N4BP1: variants seen among roughly 807,000 people sequenced by gnomAD.
N4BP1 encodes the protein NEDD4-binding protein 1.
Under a neutral mutation model 70.9 loss-of-function variants are expected in N4BP1, and 21 were observed. The ratio of observed to expected loss-of-function variants is 0.30; its 90% CI spans 0.21 to 0.43. The LOEUF (loss-of-function observed/expected upper bound fraction) is 0.43. Ranked by LOEUF, N4BP1 falls within the 20% of genes least tolerant of loss-of-function variation. The probability of loss-of-function intolerance (pLI) is 1.00; values close to 1 mark genes in which losing one functional copy is unlikely to be tolerated. For synonymous variants in N4BP1, 387 were observed against 394.6 expected, an observed-to-expected ratio of 0.98 and a Z score of 0.23; for missense variants, 936 against 1,069.4, an observed-to-expected ratio of 0.88 and a Z score of 1.74.
At chr16:48,580,473 T>G (rs1480501272) in intron 1 of N4BP1, among the ~76,000 whole-genome samples, 1 of 152,162 alleles carries the variant, frequency 6.6e-6, no homozygotes, top group Non-Finnish European at 1.5e-5. Context: ...ACTGATGGCT[T>G]GCTTCACTGC....
chr16:48,574,251 TA>T (rs567929394), intron 1 of N4BP1, among the ~76,000 whole-genome samples: 11 of 152,308 alleles, frequency 7.2e-5, no homozygotes, highest in African/African-American at 2.2e-4. Context: ...CTACTTTTAA[TA>T]AAAAAATTTT....
chr16:48,562,653 C>T (rs977538010), intron 1 of N4BP1, among the ~76,000 whole-genome samples: 2 of 152,166 alleles, frequency 1.3e-5, no homozygotes, highest in Non-Finnish European at 2.9e-5. Flanking sequence ...GAAAACTCTG[C>T]ATCCAAATCT....
chr16:48,560,607 T>C, intron 2 of N4BP1, 147 bp downstream of exon 2: 5 of 1,000,590 alleles, frequency 5.0e-6, no homozygotes, highest in Admixed American at 5.7e-5. Flanking sequence ...TTCCAACCAG[T>C]TGGTTCCCAT....
chr16:48,584,205 G>C (rs1964211139), intron 1 of N4BP1, among the ~76,000 whole-genome samples: 1 of 152,138 alleles, frequency 6.6e-6, no homozygotes, highest in Non-Finnish European at 1.5e-5. Flanking sequence ...AGACAATAGG[G>C]ATCTATTTTC....
At chr16:48,601,482 A>T (rs1245610657) in intron 1 of N4BP1, among the ~76,000 whole-genome samples, 18 of 146,398 alleles carry the variant, frequency 1.2e-4, no homozygotes, top group Admixed American at 6.2e-4. Context: ...TTAAAAAGTT[A>T]AAAAAAAAAA....
intron 4 of N4BP1, among the ~76,000 whole-genome samples, chr16:48,549,409 G>T (rs1199648122): frequency 6.6e-6 from 1 of 152,120 alleles, no homozygotes; most frequent in Non-Finnish European, 1.5e-5. Flanking sequence ...ATATATGCAT[G>T]TTCTCTAAAA....
chr16:48,585,828 T>C (rs937092517), intron 1 of N4BP1, among the ~76,000 whole-genome samples: 5 of 152,146 alleles, frequency 3.3e-5, no homozygotes, highest in African/African-American at 1.2e-4. Context: ...CCAGAGTAGC[T>C]GGGACTACAG....
chr16:48,582,813 G>A (rs1597105922), intron 1 of N4BP1, among the ~76,000 whole-genome samples: 2 of 152,172 alleles, frequency 1.3e-5, no homozygotes, highest in East Asian at 1.9e-4. Context: ...AAAATTACTG[G>A]CTGAGGGCAG....
chr16:48,553,007 C>CCTT (rs1206810317), intron 3 of N4BP1, among the ~76,000 whole-genome samples: 11 of 152,102 alleles, frequency 7.2e-5, no homozygotes, highest in Non-Finnish European at 2.9e-5. Flanking sequence ...TGGCACAGCC[C>CCTT]CTTCACCTAT....
chr16:48,562,509 C>T (rs950899703), intron 1 of N4BP1, 65 bp from the exon 2 acceptor site: 1 of 1,294,458 alleles, frequency 7.7e-7, no homozygotes, highest in Non-Finnish European at 1.0e-6. Flanking sequence ...TAATAAATTA[C>T]CATGTAACTA....
chr16:48,584,610 C>CAAAAAAA (rs3884288), intron 1 of N4BP1, among the ~76,000 whole-genome samples: 1 of 149,702 alleles, frequency 6.7e-6, no homozygotes. Context: ...CTTTTAAGGA[C>CAAAAAAA]AAAAAAAAAC....
intron 1 of N4BP1, among the ~76,000 whole-genome samples, chr16:48,585,027 G>A (rs2151096936): frequency 6.6e-6 from 1 of 152,184 alleles, no homozygotes; most frequent in South Asian, 2.1e-4. Context: ...TGCCTCCTGG[G>A]TTAAAGTGAT....
At chr16:48,583,665 C>G (rs1461080716) in intron 1 of N4BP1, among the ~76,000 whole-genome samples, 1 of 152,216 alleles carries the variant, frequency 6.6e-6, no homozygotes, top group East Asian at 1.9e-4. Flanking sequence ...ACAATTTTAT[C>G]TGTCAATTTA....
intron 1 of N4BP1, among the ~76,000 whole-genome samples, chr16:48,603,480 G>A (rs1432461857): frequency 6.6e-6 from 1 of 152,112 alleles, no homozygotes; most frequent in Non-Finnish European, 1.5e-5. Context: ...AAGTAGCTGT[G>A]CCATTTACTT....
At chr16:48,595,107 A>G (rs1018808502) in intron 1 of N4BP1, among the ~76,000 whole-genome samples, 1 of 152,184 alleles carries the variant, frequency 6.6e-6, no homozygotes, top group Non-Finnish European at 1.5e-5. Context: ...GAATGGACCG[A>G]ACAGAAAACT....
chr16:48,573,883 G>GT (rs1465251655), intron 1 of N4BP1, among the ~76,000 whole-genome samples: 2 of 152,136 alleles, frequency 1.3e-5, no homozygotes, highest in Non-Finnish European at 2.9e-5. Flanking sequence ...GAGAAAATGT[G>GT]TTTACTATTC....
At chr16:48,557,558 T>G (rs192985118) in intron 2 of N4BP1, among the ~76,000 whole-genome samples, 199 of 152,266 alleles carry the variant, frequency 1.3e-3, no homozygotes, top group Middle Eastern at 3.4e-3. Context: ...CTCAAATATT[T>G]GTTGCATTAA....
chr16:48,565,100 A>G (rs1479886251), intron 1 of N4BP1, among the ~76,000 whole-genome samples: 1 of 152,244 alleles, frequency 6.6e-6, no homozygotes, highest in Admixed American at 6.5e-5. Context: ...ATTCCTACAC[A>G]GACAATTGTA....
intron 1 of N4BP1, among the ~76,000 whole-genome samples, chr16:48,583,321 A>G (rs1015468869): frequency 2.6e-5 from 4 of 152,208 alleles, no homozygotes; most frequent in Non-Finnish European, 5.9e-5. Context: ...ATGGAAAGAC[A>G]AATGATGTAT....
Sources: allele counts gnomAD v4.1 joint callset (sites outside exome capture counted in the v4.1 genomes callset), GRCh38; gene constraint gnomAD v4.1.1; transcripts MANE v1.5; gene names NCBI Gene and HGNC (gene_info 2026-07-23, HGNC 2026-07-21).